The following CHL1 variants were observed in gnomAD, a reference collection of about 807,000 sequenced individuals.
CHL1 encodes neural cell adhesion molecule L1-like protein.
CHL1 carries 96 observed loss-of-function variants against 141.9 expected under a neutral mutation model. The observed-to-expected ratio is 0.68, with a 90% CI of 0.57 to 0.80. The LOEUF is 0.80. CHL1 is among the 30% of genes least tolerant of loss of function. The probability of loss-of-function intolerance (pLI) is 0.00; values close to 1 mark genes in which losing one functional copy is unlikely to be tolerated. For synonymous variants in CHL1, 613 were observed against 502.2 expected (o/e 1.22, Z -2.95); for missense variants, 1,820 against 1,457.2 (o/e 1.25, Z -4.05).
chr3:310,796 G>A (rs1348167987), intron 2 of CHL1, among the ~76,000 whole-genome samples: 1 of 152,080 alleles, frequency 6.6e-6, no homozygotes, highest in Non-Finnish European at 1.5e-5. Context: ...ACATTCTACG[G>A]GTTTTGACAA....
chr3:222,909 C>A (rs1700982868), intron 1 of CHL1, among the ~76,000 whole-genome samples: 1 of 152,104 alleles, frequency 6.6e-6, no homozygotes, highest in Non-Finnish European at 1.5e-5. Context: ...ATTTTTATAG[C>A]CAGCAGTATA....
At chr3:329,969 T>C (rs912261739) in intron 5 of CHL1, among the ~76,000 whole-genome samples, 2 of 152,078 alleles carry the variant, frequency 1.3e-5, no homozygotes, top group Non-Finnish European at 2.9e-5. Context: ...TTTCATTATT[T>C]GCTCACTCAA....
intron 5 of CHL1, among the ~76,000 whole-genome samples, chr3:340,403 T>G (rs1231284490): frequency 1.3e-5 from 2 of 152,126 alleles, no homozygotes; most frequent in African/African-American, 2.4e-5. Context: ...AAGCGAGAGA[T>G]AGAGAATATG....
chr3:362,184 T>G (rs1187728216), intron 13 of CHL1, among the ~76,000 whole-genome samples: 2 of 152,234 alleles, frequency 1.3e-5, no homozygotes, highest in African/African-American at 2.4e-5. Context: ...AGCTCGAATT[T>G]AATTCCAAAT....
At chr3:398,431 C>T (rs1264271030) in intron 25 of CHL1, 46 bp downstream of exon 25, 9 of 1,275,814 alleles carry the variant, frequency 7.1e-6, no homozygotes, top group Non-Finnish European at 9.0e-6. Context: ...CAATCTATGT[C>T]CTGTAGAATA....
rs371312469 is a variant in CHL1, at chr3:382,314, C to T, written c.1978+34C>T. ...ACTTGGGATAACTGTTTTCATTACT[C>T]TAGATAGTCAAAATTAATAGCGAAG... On this transcript the variant is annotated intron_variant, in intron 17 of 27. Transcript: ENST00000256509. 132 of 1,570,112 alleles carry T rather than the reference C, an allele frequency of 8.4e-5. No homozygotes were observed. In the African/African-American group the frequency reaches 1.7e-3, roughly 20 times the overall value.
chr3:361,054 G>A (rs979553754), intron 12 of CHL1, among the ~76,000 whole-genome samples: 10 of 151,982 alleles, frequency 6.6e-5, no homozygotes, highest in African/African-American at 2.4e-4. Flanking sequence ...AAAAACATAC[G>A]TGTGCAGGTG....
At position 213,129 on chromosome 3, in the gene CHL1, A is replaced by G. The variant is rs565126950; in HGVS notation, c.-175+16066A>G. ...GCTTGAACCCTGCTCTGTCTTATAA[A>G]ATAGGGAGATTAGAAAAGTTAAATT... On this transcript the variant is annotated intron_variant, in intron 1 of 27. Transcript: ENST00000256509. The G allele has an allele frequency of 2.6e-5, 4 of 152,314 alleles. No homozygotes were observed. In the South Asian group the frequency reaches 8.3e-4, roughly 32 times the overall value. 9.4% of individuals were successfully genotyped at this position (152,314 alleles called of 1,614,324 possible).
intron 15 of CHL1, among the ~76,000 whole-genome samples, chr3:375,798 T>A (rs9822609): frequency 0.019 from 2,896 of 152,248 alleles, 87 homozygotes; most frequent in African/African-American, 0.065. Flanking sequence ...TTAGGCTCAA[T>A]GTTTTGTTCA....
intron 2 of CHL1, among the ~76,000 whole-genome samples, chr3:318,789 G>A (rs1700327623): frequency 6.6e-6 from 1 of 151,228 alleles, no homozygotes; most frequent in Non-Finnish European, 1.5e-5. Context: ...CTTTGAAGAT[G>A]AAAAGCTATT....
chr3:359,736 T>G (rs1035641744), intron 11 of CHL1, among the ~76,000 whole-genome samples: 1 of 151,972 alleles, frequency 6.6e-6, no homozygotes, highest in Non-Finnish European at 1.5e-5. Context: ...CCTGGGAAAA[T>G]GAAATATACA....
intron 1 of CHL1, among the ~76,000 whole-genome samples, chr3:219,500 T>G (rs1389397748): frequency 6.6e-6 from 1 of 152,208 alleles, no homozygotes. Flanking sequence ...TGGACTATTA[T>G]GCAGCCATTA....
At chr3:281,563 T>G (rs1210433920) in intron 2 of CHL1, among the ~76,000 whole-genome samples, 1 of 118,192 alleles carries the variant, frequency 8.5e-6, no homozygotes, top group African/African-American at 3.9e-5. Context: ...TTGTACCTTT[T>G]TTTTTTTTTT....
chr3:332,988 T>C (rs999339223), intron 5 of CHL1, among the ~76,000 whole-genome samples: 1 of 152,034 alleles, frequency 6.6e-6, no homozygotes, highest in African/African-American at 2.4e-5. Context: ...ATTTCAGTTT[T>C]TTTTTCTGTC....
chr3:205,323 A>C (rs1681197443), intron 1 of CHL1, among the ~76,000 whole-genome samples: 1 of 152,080 alleles, frequency 6.6e-6, no homozygotes, highest in African/African-American at 2.4e-5. Context: ...TATGTTGTCC[A>C]GGCTGGTTTC....
rs1026815557 is a variant in CHL1, at chr3:196,922, G to C, written c.-316G>C. The C allele has an allele frequency of 6.6e-6, 1 of 152,390 alleles. No individual in the cohort carries two copies. Among genetic ancestry groups the C allele is most frequent in the Non-Finnish European group, 1.5e-5 (1 of 68,206 alleles). The allele number at this position is 152,390 out of a possible 1,614,324, so 9.4% of individuals were successfully genotyped here. A position where few individuals can be genotyped will look rare whatever the true frequency, so the allele number is the denominator to read the frequency against. ...CGGACAGCCCCGGGTGCGGACCAGCGGGCAGCGGCCGGCGAGACCCTCCCT... is the reference window on the plus strand; with the variant it reads ...CGGACAGCCCCGGGTGCGGACCAGCCGGCAGCGGCCGGCGAGACCCTCCCT... On this transcript the variant is annotated 5_prime_UTR_variant, in exon 1 of 28. Coordinates refer to ENST00000256509, the MANE Select transcript of CHL1 (RefSeq NM_006614.4).
At chr3:385,364 C>G (rs1488489900) in intron 19 of CHL1, among the ~76,000 whole-genome samples, 2 of 152,138 alleles carry the variant, frequency 1.3e-5, no homozygotes, top group Admixed American at 6.5e-5. Flanking sequence ...CTGGGAATCT[C>G]AGAGTTTAAT....
chr3:261,600 T>C lies in CHL1; in HGVS notation c.-95+16908T>C, dbSNP rs563907135. Among the ~76,000 whole-genome samples the C allele has an allele frequency of 6.6e-5, 10 of 152,214 alleles. No individual in the cohort carries two copies. The South Asian group carries it at 2.1e-3, about 32-fold the overall frequency. On this transcript the variant is annotated intron_variant, in intron 2 of 27. Transcript: ENST00000256509. ...GTAAAATATATGAATTAGAGCTGAA[T>C]GATATTATTGAAACATTCCAGCTTT...
At chr3:201,525 T>C (rs929250558) in intron 1 of CHL1, among the ~76,000 whole-genome samples, 29 of 152,178 alleles carry the variant, frequency 1.9e-4, no homozygotes, top group African/African-American at 7.0e-4. Context: ...TGTGTGTGCG[T>C]GTGTGTGATG....
Sources: allele counts gnomAD v4.1 joint callset (sites outside exome capture counted in the v4.1 genomes callset), GRCh38; gene constraint gnomAD v4.1.1; transcripts MANE v1.5; gene names NCBI Gene and HGNC (gene_info 2026-07-23, HGNC 2026-07-21).